Variants in GFOD2 observed in about 807,000 individuals in gnomAD.
The protein encoded by GFOD2 is glucose-fructose oxidoreductase domain-containing protein 2.
Under a neutral mutation model 24.6 loss-of-function variants are expected in GFOD2, and 9 were observed. That is an observed-to-expected ratio of 0.37 (90% CI 0.22 to 0.64). The LOEUF (loss-of-function observed/expected upper bound fraction) is 0.64. GFOD2 is among the 30% of genes least tolerant of loss of function. The pLI, the probability that GFOD2 is intolerant of heterozygous loss-of-function variation, is 0.65. For missense variants in GFOD2, 476 were observed against 532.5 expected (o/e 0.89, Z 1.04); for synonymous variants, 211 against 224.8 (o/e 0.94, Z 0.55).
chr16:67,681,198 G>C, intron 2 of GFOD2: 2 of 985,488 alleles, frequency 2.0e-6, no homozygotes, highest in Non-Finnish European at 2.4e-6. Context: ...CCACCTGAGA[G>C]CTGCTGTTCT....
At chr16:67,693,027 C>G (rs1399426808) in intron 1 of GFOD2, among the ~76,000 whole-genome samples, 1 of 151,274 alleles carries the variant, frequency 6.6e-6, no homozygotes, top group Non-Finnish European at 1.5e-5. Flanking sequence ...GAGACTCTGT[C>G]TCAAAAACAA....
intron 1 of GFOD2, among the ~76,000 whole-genome samples, chr16:67,687,990 G>A (rs1182697993): frequency 6.6e-6 from 1 of 151,950 alleles, no homozygotes; most frequent in South Asian, 2.1e-4. Flanking sequence ...AAGGAAAAAA[G>A]GTTTTTTTGT....
chr16:67,685,327 TGATGTCCCAGA>T, intron 2 of GFOD2, 119 bp downstream of exon 2: 1 of 1,496,268 alleles, frequency 6.7e-7, no homozygotes. Context: ...CAGGGACAAG[TGATGTCCCAGA>T]GTTCTCCTCC....
chr16:67,684,683 G>C (rs1452556128), intron 2 of GFOD2: 1 of 912,454 alleles, frequency 1.1e-6, no homozygotes, highest in Non-Finnish European at 1.3e-6. Context: ...GCAACAAGAG[G>C]GAAACTCTGT....
intron 1 of GFOD2, among the ~76,000 whole-genome samples, chr16:67,702,258 C>T (rs570037666): frequency 1.3e-3 from 195 of 152,084 alleles, no homozygotes; most frequent in African/African-American, 4.2e-3. Flanking sequence ...CTGAGGCAGG[C>T]GGATTGCTTG....
intron 1 of GFOD2, among the ~76,000 whole-genome samples, chr16:67,690,602 AG>A (rs2053304876): frequency 1.3e-5 from 2 of 152,100 alleles, no homozygotes; most frequent in Admixed American, 6.6e-5. Context: ...CCTAGTGTGC[AG>A]CCACCAGCTG....
At chr16:67,687,257 T>C (rs528895928) in intron 1 of GFOD2, among the ~76,000 whole-genome samples, 1 of 151,832 alleles carries the variant, frequency 6.6e-6, no homozygotes, top group Non-Finnish European at 1.5e-5. Flanking sequence ...AAAATTTTCA[T>C]GGTAGCAAAC....
intron 1 of GFOD2, among the ~76,000 whole-genome samples, chr16:67,696,077 G>C (rs917602204): frequency 1.3e-5 from 2 of 150,784 alleles, no homozygotes; most frequent in African/African-American, 4.9e-5. Context: ...GCAATGGCAC[G>C]ATCTCGGCTC....
intron 1 of GFOD2, among the ~76,000 whole-genome samples, chr16:67,705,897 G>A (rs957691941): frequency 2.1e-5 from 3 of 146,330 alleles, no homozygotes; most frequent in African/African-American, 5.0e-5. Context: ...CCGAGATCAC[G>A]CCACTGCACT....
chr16:67,710,292 GTA>G (rs2053464332), intron 1 of GFOD2, among the ~76,000 whole-genome samples: 2 of 151,810 alleles, frequency 1.3e-5, no homozygotes, highest in Admixed American at 6.6e-5. Context: ...CGCCAGCCCT[GTA>G]TTTTTAGTAG....
intron 1 of GFOD2, among the ~76,000 whole-genome samples, chr16:67,710,456 C>A (rs2053465649): frequency 6.6e-6 from 1 of 152,116 alleles, no homozygotes; most frequent in Non-Finnish European, 1.5e-5. Context: ...GCTCCGCCTC[C>A]CGGGTTCACG....
chr16:67,675,141 G>C lies in GFOD2; in HGVS notation c.*14C>G. ...TGGTCCCTCTGCCCTGTGGCAAGGA[G>C]CCCAGGTGCAGGCTCATAGGTTGTT... is the stretch of plus-strand genomic sequence containing the variant. On this transcript the variant is annotated 3_prime_UTR_variant, in exon 3 of 3. Transcript: ENST00000268797. The C allele has an allele frequency of 6.3e-7, 1 of 1,598,716 alleles. No individual in the cohort carries two copies. Among genetic ancestry groups the C allele is most frequent in the Admixed American group, 1.7e-5 (1 of 59,258 alleles).
At chr16:67,676,117 GC>G in intron 2 of GFOD2, 64 bp from the exon 3 acceptor site, 3 of 1,462,390 alleles carry the variant, frequency 2.1e-6, no homozygotes. Context: ...ATGTCCGCCT[GC>G]CCTGAGGATT....
rs141298811 is a variant in GFOD2 at position 67,675,679 on chromosome 16, G to A, written c.634C>T (p.Arg212Cys). The change falls in exon 3 of 3, where the codon CGT becomes TGT. Residue 212 changes from arginine (R) to cysteine (C), a missense_variant. Arg to Cys is a radical substitution (Grantham distance 180, BLOSUM62 -3). Coordinates refer to ENST00000268797, the MANE Select transcript of GFOD2 (RefSeq NM_030819.4). ...KTFVRQNAAI[R>C]GIRHVTSDDF... is the part of the protein sequence containing the mutation. ...TCGCTAGTGACGTGCCGGATGCCAC[G>A]GATGGCAGCGTTCTGCCTCACGAAT... 205 of 1,613,752 alleles carry A rather than the reference G, an allele frequency of 1.3e-4. No individual in the cohort carries two copies. Among genetic ancestry groups the A allele is most frequent in the Middle Eastern group, 1.6e-4 (1 of 6,062 alleles).
In GFOD2 at chr16:67,675,802, CCATGAGCT is replaced by C. The variant is rs1467455172; in HGVS notation, c.503_510del (p.Glu168GlyfsTer49). 6 of 1,614,178 alleles carry C rather than the reference CCATGAGCT, an allele frequency of 3.7e-6. No homozygotes were observed. Among genetic ancestry groups the C allele is most frequent in the Non-Finnish European group, 5.1e-6 (6 of 1,180,050 alleles). On this transcript the variant is annotated frameshift_variant, in exon 3 of 3. Transcript: ENST00000268797. LOFTEE classifies it high-confidence loss of function. ...CCCATGGTGTGCAAGCCCCCGCCGCCCATGAGCTCATCACAGATCCAGCCATAGCTGGG... is the reference window on the plus strand; with the variant it reads ...CCCATGGTGTGCAAGCCCCCGCCGCCCATCACAGATCCAGCCATAGCTGGG...
rs2053176676 is a variant in GFOD2 at position 67,675,424 on chromosome 16, G to A, written c.889C>T (p.Gln297Ter). Residue 297 changes from glutamine (Q) to a stop codon, truncating the protein, a stop_gained, in exon 3 of 3, where the codon CAG (glutamine) becomes TAG (stop). Transcript: ENST00000268797. LOFTEE classifies it high-confidence loss of function. ...VGAGLPEQGP[Q>*]DVPLLYLKGM... ...TTCAGGTACAGCAGCGGGACATCCT[G>A]GGGCCCCTGCTCAGGCAGTCCTGCG... 3 of 1,612,852 alleles carry A rather than the reference G, an allele frequency of 1.9e-6. No homozygotes were observed. The highest frequency in any genetic ancestry group is 2.5e-6 in the Non-Finnish European group (3 of 1,180,016).
intron 1 of GFOD2, among the ~76,000 whole-genome samples, chr16:67,689,895 G>T (rs1403369098): frequency 6.6e-6 from 1 of 152,056 alleles, no homozygotes; most frequent in East Asian, 1.9e-4. Context: ...CTATGAATTT[G>T]ACTACTTTAG....
intron 1 of GFOD2, among the ~76,000 whole-genome samples, chr16:67,686,344 G>A (rs148107766): frequency 5.3e-5 from 8 of 152,242 alleles, no homozygotes; most frequent in South Asian, 2.1e-4. Context: ...CTTCCATGGA[G>A]ACTGAAGGAT....
intron 2 of GFOD2, chr16:67,684,971 C>T (rs370348952): frequency 9.9e-7 from 1 of 1,006,484 alleles, no homozygotes; most frequent in South Asian, 4.3e-5. Flanking sequence ...CCTTCCTGTC[C>T]TCCGGCAATA....
Sources: gnomAD v4.1 joint callset for allele counts (sites outside exome capture counted in the v4.1 genomes callset) on GRCh38, gnomAD v4.1.1 for gene constraint, MANE v1.5 for transcripts, NCBI Gene and HGNC (gene_info 2026-07-23, HGNC 2026-07-21) for gene names.